Variants in WDR7 observed in about 807,000 individuals in gnomAD.
WDR7 encodes the protein WD repeat-containing protein 7.
Under a neutral mutation model 169.4 loss-of-function variants are expected in WDR7, and 46 were observed. The ratio of observed to expected loss-of-function variants is 0.27; its 90% CI spans 0.21 to 0.35. The LOEUF (loss-of-function observed/expected upper bound fraction) is 0.35, where lower values mean the gene tolerates loss of function less well. WDR7 is among the 10% of genes least tolerant of loss of function. The probability of loss-of-function intolerance (pLI) is 1.00; values close to 1 mark genes in which losing one functional copy is unlikely to be tolerated. For missense variants in WDR7, 1,534 were observed against 1,859.3 expected (o/e 0.83, Z 3.22); for synonymous variants, 612 against 666.8 (o/e 0.92, Z 1.27).
chr18:56,740,274 C>A (rs951862924), intron 14 of WDR7, among the ~76,000 whole-genome samples: 1 of 151,942 alleles, frequency 6.6e-6, no homozygotes, highest in African/African-American at 2.4e-5. Flanking sequence ...TTTCAGTTAT[C>A]TGCTGAAATT....
Position 57,020,867 on chromosome 18 carries a change from A to C in WDR7, c.4269+18A>C. The C allele has an allele frequency of 6.2e-7, 1 of 1,610,458 alleles. No individual in the cohort carries two copies. The highest frequency in any genetic ancestry group is 8.5e-7 in the Non-Finnish European group (1 of 1,176,724). ...TTTGGCAGGTAAGAGTAGATGCTCC[A>C]GGGTCTTAAAGCATATACTGCGTGA... On this transcript the variant is annotated intron_variant, in intron 27 of 27. Coordinates refer to ENST00000254442, the MANE Select transcript of WDR7 (RefSeq NM_015285.3).
At chr18:56,916,373 T>G (rs1299120914) in intron 21 of WDR7, among the ~76,000 whole-genome samples, 1 of 151,936 alleles carries the variant, frequency 6.6e-6, no homozygotes, top group Non-Finnish European at 1.5e-5. Context: ...CGGTGTTTGG[T>G]TTTCTGTCCT....
chr18:56,686,122 A>C, intron 6 of WDR7, 90 bp downstream of exon 6: 1 of 1,060,802 alleles, frequency 9.4e-7, no homozygotes, highest in Non-Finnish European at 1.3e-6. Flanking sequence ...ATTTTTTTTA[A>C]GGGGGAAGGA....
At chr18:56,817,196 T>C (rs1289273152) in intron 20 of WDR7, among the ~76,000 whole-genome samples, 1 of 151,664 alleles carries the variant, frequency 6.6e-6, no homozygotes, top group Non-Finnish European at 1.5e-5. Context: ...AATACAAAAA[T>C]TAGCCAAGTG....
chr18:56,877,909 C>G (rs1599122171), intron 20 of WDR7, among the ~76,000 whole-genome samples: 1 of 152,002 alleles, frequency 6.6e-6, no homozygotes, highest in South Asian at 2.1e-4. Flanking sequence ...AAATTGGAAA[C>G]CTTTGGAAAA....
intron 19 of WDR7, among the ~76,000 whole-genome samples, chr18:56,813,695 G>A (rs2145206423): frequency 6.6e-6 from 1 of 151,942 alleles, no homozygotes; most frequent in South Asian, 2.1e-4. Flanking sequence ...ATGAATTCTG[G>A]AGACTATCTT....
chr18:56,783,101 G>T (rs2044344056), intron 19 of WDR7, among the ~76,000 whole-genome samples: 1 of 151,550 alleles, frequency 6.6e-6, no homozygotes, highest in Non-Finnish European at 1.5e-5. Flanking sequence ...TATTTACTTA[G>T]TGAATATAGG....
At chr18:56,875,700 T>C (rs1251102608) in intron 20 of WDR7, among the ~76,000 whole-genome samples, 4 of 152,214 alleles carry the variant, frequency 2.6e-5, no homozygotes, top group African/African-American at 9.6e-5. Flanking sequence ...TTCTCATTGA[T>C]TCTGTAACTT....
intron 20 of WDR7, among the ~76,000 whole-genome samples, chr18:56,816,795 A>G (rs973758465): frequency 6.6e-6 from 1 of 152,236 alleles, no homozygotes; most frequent in African/African-American, 2.4e-5. Flanking sequence ...GAGGTTAAAA[A>G]TAACCTAGTA....
intron 7 of WDR7, 60 bp from the exon 8 acceptor site, chr18:56,691,156 A>C (rs1232650553): frequency 6.5e-7 from 1 of 1,547,132 alleles, no homozygotes; most frequent in East Asian, 2.4e-5. Flanking sequence ...TTGAAATGTC[A>C]CTGGATCTTA....
chr18:56,725,613 C>T (rs879330148), intron 13 of WDR7, among the ~76,000 whole-genome samples: 5 of 152,160 alleles, frequency 3.3e-5, no homozygotes, highest in Admixed American at 6.5e-5. Context: ...TGCCTGTTCA[C>T]TCTTGATGGT....
At chr18:56,796,639 T>C (rs1450732576) in intron 19 of WDR7, among the ~76,000 whole-genome samples, 1 of 152,220 alleles carries the variant, frequency 6.6e-6, no homozygotes, top group Non-Finnish European at 1.5e-5. Flanking sequence ...CCCTCTGTTA[T>C]CAAGTTTGCA....
intron 1 of WDR7, among the ~76,000 whole-genome samples, chr18:56,654,321 G>A (rs975799135): frequency 6.6e-6 from 1 of 152,054 alleles, no homozygotes; most frequent in Non-Finnish European, 1.5e-5. Context: ...TAGAAGAGAC[G>A]GAGTTTCACT....
chr18:56,826,730 T>C (rs979591776), intron 20 of WDR7, among the ~76,000 whole-genome samples: 2 of 152,178 alleles, frequency 1.3e-5, no homozygotes, highest in South Asian at 2.1e-4. Context: ...TTAAATCCAG[T>C]GTGAAAGGAT....
intron 25 of WDR7, among the ~76,000 whole-genome samples, chr18:56,960,010 G>T (rs2047317843): frequency 1.3e-5 from 2 of 152,134 alleles, no homozygotes; most frequent in African/African-American, 4.8e-5. Flanking sequence ...TTTGTTAAGA[G>T]AGCCACTGCT....
At chr18:56,725,968 TGTGTG>T (rs1198981941) in intron 13 of WDR7, among the ~76,000 whole-genome samples, 1 of 152,168 alleles carries the variant, frequency 6.6e-6, no homozygotes, top group Admixed American at 6.5e-5. Context: ...TAGTTGTAGA[TGTGTG>T]GTATTATTTC....
chr18:56,992,882 T>G (rs1354508223), intron 26 of WDR7, among the ~76,000 whole-genome samples: 1 of 152,184 alleles, frequency 6.6e-6, no homozygotes, highest in Non-Finnish European at 1.5e-5. Flanking sequence ...CAGGTCTGGA[T>G]AGTTGTTTGT....
intron 17 of WDR7, among the ~76,000 whole-genome samples, chr18:56,777,248 G>A (rs1279433282): frequency 6.6e-6 from 1 of 152,144 alleles, no homozygotes; most frequent in Admixed American, 6.6e-5. Context: ...GACACACTTT[G>A]CTGCCTTTTC....
In WDR7 at chr18:56,880,090, C is replaced by T. The variant is rs746866180; in HGVS notation, c.3451C>T (p.Arg1151Ter). 1.9e-6 allele frequency: 3 copies of T among 1,614,028 alleles called. No homozygotes were observed. Among genetic ancestry groups the T allele is most frequent in the East Asian group, 2.2e-5 (1 of 44,866 alleles). ...ACCTCCTAAACTATTGACCAGACCT[C>T]GAAGCTCTAGCCAAATTCCTGAGGG... ...IEPPKLLTRP[R>*]SSSQIPEGFG... Residue 1151 changes from arginine (R) to a stop codon, truncating the protein, a stop_gained, in exon 21 of 28, where the codon CGA becomes TGA. Transcript: ENST00000254442. LOFTEE classifies it high-confidence loss of function.
Sources: gnomAD v4.1 joint callset for allele counts (sites outside exome capture counted in the v4.1 genomes callset) on GRCh38, gnomAD v4.1.1 for gene constraint, MANE v1.5 for transcripts, NCBI Gene and HGNC (gene_info 2026-07-23, HGNC 2026-07-21) for gene names.